Variants in LRFN3 observed in about 807,000 individuals in gnomAD.
The protein encoded by LRFN3 is leucine rich repeat and fibronectin type III domain containing 3.
Under a neutral mutation model 23.8 loss-of-function variants are expected in LRFN3, and 8 were observed. The ratio of observed to expected loss-of-function variants is 0.34; its 90% CI spans 0.20 to 0.61. LRFN3 has a LOEUF of 0.61. LRFN3 is among the 20% of genes least tolerant of loss of function. The pLI, the probability that LRFN3 is intolerant of heterozygous loss-of-function variation, is 0.80. For missense variants in LRFN3, 736 were observed against 935.3 expected, an observed-to-expected ratio of 0.79 and a Z score of 2.78; for synonymous variants, 451 against 450.6, an observed-to-expected ratio of 1.00 and a Z score of -0.01.
At chr19:35,938,818 A>C (rs1371854249) in intron 1 of LRFN3, among the ~76,000 whole-genome samples, 2 of 152,054 alleles carry the variant, frequency 1.3e-5, no homozygotes, top group Non-Finnish European at 2.9e-5. Context: ...CTCTGGTCAT[A>C]TCTGACCACT....
In LRFN3 at chr19:35,944,797, C is replaced by G; in HGVS notation, c.1665C>G (p.Ile555Met). 1 of 1,611,116 alleles carries G rather than the reference C, an allele frequency of 6.2e-7. No individual in the cohort carries two copies. The highest frequency in any genetic ancestry group is 8.5e-7 in the Non-Finnish European group (1 of 1,179,262). ...TCGTAGCCTCGGTACTGGTCTTCAT[C>G]TTCGTGCTGCTAATGCGCTACAAGG... Reference protein sequence around the residue: ...GVIVASVLVFIFVLLMRYKVH... With the variant: ...GVIVASVLVFMFVLLMRYKVH... Residue 555 changes from isoleucine to methionine, a missense_variant, in exon 3 of 3, where the codon ATC becomes ATG. Transcript: ENST00000246529. This position sits in a 1 kb window ranked among gnomAD's most constrained non-coding sequence, Gnocchi z 4.5.
At position 35,940,391 on chromosome 19, in the gene LRFN3, C is replaced by A; in HGVS notation, c.966C>A (p.Asp322Glu). The change falls in exon 2 of 3, where the codon GAC becomes GAA. Residue 322 changes from aspartate to glutamate, a missense_variant. This residue lies in a region of LRFN3 where 446 missense variants were observed against 647.9 expected (regional missense o/e 0.69). Transcript: ENST00000246529. ...CCCTGCGCTGCCGGGCAGTGGGGGA[C>A]CCAGAGCCCCGTGTGCGTTGGGTGT... ...PAALRCRAVGDPEPRVRWVSP... is the reference protein window; with the variant it reads ...PAALRCRAVGEPEPRVRWVSP... The A allele has an allele frequency of 6.3e-7, 1 of 1,575,258 alleles. No individual in the cohort carries two copies. The highest frequency in any genetic ancestry group is 8.6e-7 in the Non-Finnish European group (1 of 1,165,798).
rs1976062462 is a variant in LRFN3, at chr19:35,936,766, C to T, written c.-806C>T. ...GCACCCCCAGATTGAATCGGGAATT[C>T]CGGAAACCCGAGCCTGGAACCCTGA... On this transcript the variant is annotated 5_prime_UTR_variant, in exon 1 of 3. Transcript: ENST00000246529. 6.6e-6 allele frequency: 1 copy of T among 152,252 alleles called. No individual in the cohort carries two copies. Among genetic ancestry groups the T allele is most frequent in the South Asian group, 2.1e-4 (1 of 4,838 alleles). The allele number at this position is 152,252 out of a possible 1,614,324, so 9.4% of individuals were successfully genotyped here. A position where few individuals can be genotyped will look rare whatever the true frequency, so the allele number is the denominator to read the frequency against.
intron 1 of LRFN3, among the ~76,000 whole-genome samples, chr19:35,938,894 C>T (rs879420762): frequency 2.0e-5 from 3 of 152,198 alleles, no homozygotes; most frequent in East Asian, 1.9e-4. Flanking sequence ...TCTCTGACCA[C>T]GTCTAAAGCC....
Position 35,944,718 on chromosome 19 carries a change from C to T in LRFN3, c.1586C>T (p.Ala529Val). Residue 529 changes from alanine to valine, a missense_variant, in exon 3 of 3, where the codon GCG becomes GTG. Transcript: ENST00000246529. The surrounding 1 kb of genome is among the most constrained non-coding windows in gnomAD (Gnocchi z 4.5). ...GAACCTGCGCTGCGGCCATGCGGGGCGCCGCACGCTCCCTTCCTGGGCGGC... is the reference window on the plus strand; with the variant it reads ...GAACCTGCGCTGCGGCCATGCGGGGTGCCGCACGCTCCCTTCCTGGGCGGC... ...STEPALRPCG[A>V]PHAPFLGGTM... The T allele has an allele frequency of 1.2e-6, 2 of 1,604,808 alleles. No homozygotes were observed. Among genetic ancestry groups the T allele is most frequent in the Non-Finnish European group, 1.7e-6 (2 of 1,176,408 alleles).
chr19:35,941,637 C>T (rs555115559), intron 2 of LRFN3, among the ~76,000 whole-genome samples: 39 of 148,332 alleles, frequency 2.6e-4, no homozygotes, highest in African/African-American at 9.5e-4. Flanking sequence ...GGTGCAATCT[C>T]GGCTCACTAC....
In LRFN3 at chr19:35,939,764, C is replaced by G; in HGVS notation, c.339C>G (p.His113Gln). Residue 113 changes from histidine to glutamine, a missense_variant, in exon 2 of 3, where the codon CAC becomes CAG. This residue lies in a region of LRFN3 where 446 missense variants were observed against 647.9 expected (regional missense o/e 0.69). Coordinates refer to ENST00000246529, the MANE Select transcript of LRFN3 (RefSeq NM_024509.2). This position sits in a 1 kb window ranked among gnomAD's most constrained non-coding sequence, Gnocchi z 6.4. ...FADLRALRAL[H>Q]LDGNRLTSLG... ...ACCTGCGGGCCCTGCGTGCCCTGCACCTGGATGGCAACCGGCTGACCTCAC... is the reference window on the plus strand; with the variant it reads ...ACCTGCGGGCCCTGCGTGCCCTGCAGCTGGATGGCAACCGGCTGACCTCAC... 6.2e-7 allele frequency: 1 copy of G among 1,604,952 alleles called. No individual in the cohort carries two copies. The highest frequency in any genetic ancestry group is 8.5e-7 in the Non-Finnish European group (1 of 1,179,530).
rs746948076 is a variant in LRFN3, at chr19:35,944,927, C to G, written c.1795C>G (p.Pro599Ala). ...GGGCCCCACGCCCACGCCCGCCCCG[C>G]CCGCCCCGGAGCCCGCGGCGCTCAG... is the stretch of plus-strand genomic sequence containing the variant. Reference protein sequence around the residue: ...ALGPTPTPAPPAPEPAALRAH... With the variant: ...ALGPTPTPAPAAPEPAALRAH... Residue 599 changes from proline to alanine, a missense_variant, in exon 3 of 3, where the codon CCC (proline) becomes GCC (alanine). Transcript: ENST00000246529. The surrounding 1 kb of genome is among the most constrained non-coding windows in gnomAD (Gnocchi z 4.5). The G allele has an allele frequency of 2.3e-5, 36 of 1,537,386 alleles. No homozygotes were observed. In the African/African-American group the frequency reaches 4.4e-4, roughly 19 times the overall value.
chr19:35,941,554 C>G (rs1338835978), intron 2 of LRFN3, among the ~76,000 whole-genome samples: 1 of 152,042 alleles, frequency 6.6e-6, no homozygotes, highest in Non-Finnish European at 1.5e-5. Flanking sequence ...GTTTCAAGTT[C>G]TAATATAGTG....
At position 35,945,152 on chromosome 19, in the gene LRFN3, C is replaced by CCCT; in HGVS notation, c.*134_*135insCTC. ...TCTGATGGGGAGGGTGTCGGGGACA[C>CCCT]CGGGGCAAAACAAGAAAGTCCTATT... is the stretch of plus-strand genomic sequence containing the variant. On this transcript the variant is annotated 3_prime_UTR_variant, in exon 3 of 3. Transcript: ENST00000246529. The CCCT allele has an allele frequency of 1.9e-6, 1 of 532,502 alleles. No individual in the cohort carries two copies. The highest frequency in any genetic ancestry group is 3.1e-6 in the Non-Finnish European group (1 of 323,202). 33.0% of individuals were successfully genotyped at this position (532,502 alleles called of 1,614,324 possible).
At position 35,944,718 on chromosome 19, in the gene LRFN3, C is replaced by A. The variant is rs758732487; in HGVS notation, c.1586C>A (p.Ala529Glu). ...STEPALRPCG[A>E]PHAPFLGGTM... The stretch of plus-strand genomic sequence containing the variant: ...GAACCTGCGCTGCGGCCATGCGGGG[C>A]GCCGCACGCTCCCTTCCTGGGCGGC... Residue 529 changes from alanine to glutamate, a missense_variant, in exon 3 of 3, where the codon GCG becomes GAG. Physicochemically the swap from Ala to Glu is moderately radical, Grantham distance 107. Around this residue, in one of 2 missense-constraint regions of LRFN3, gnomAD observed 290 missense variants for 287.4 expected, o/e 1.01. Coordinates refer to ENST00000246529, the MANE Select transcript of LRFN3 (RefSeq NM_024509.2). This position sits in a 1 kb window ranked among gnomAD's most constrained non-coding sequence, Gnocchi z 4.5. 6.2e-7 allele frequency: 1 copy of A among 1,604,808 alleles called. No individual in the cohort carries two copies. The highest frequency in any genetic ancestry group is 8.5e-7 in the Non-Finnish European group (1 of 1,176,406).
At position 35,940,428 on chromosome 19, in the gene LRFN3, C is replaced by A. The variant is rs768203591; in HGVS notation, c.1003C>A (p.Arg335=). 6 of 1,596,296 alleles carry A rather than the reference C, an allele frequency of 3.8e-6. No individual in the cohort carries two copies. The Admixed American group carries it at 8.4e-5, about 22-fold the overall frequency. The stretch of plus-strand genomic sequence containing the variant: ...TGTGCGTTGGGTGTCACCCCAGGGC[C>A]GGCTGCTAGGCAACTCAAGCCGTGC... The part of the protein sequence containing the change: ...PRVRWVSPQG[R]LLGNSSRARA... Residue 335 remains arginine (R), a synonymous_variant, in exon 2 of 3, where the codon CGG becomes AGG. Transcript: ENST00000246529.
At chr19:35,943,664 A>T (rs188323179) in intron 2 of LRFN3, among the ~76,000 whole-genome samples, 25 of 151,790 alleles carry the variant, frequency 1.6e-4, no homozygotes, top group Admixed American at 1.4e-3. Context: ...AATGTGGGGG[A>T]AATTGGATGG....
chr19:35,939,228 A>G lies in LRFN3; in HGVS notation c.-16-182A>G, dbSNP rs1325137144. Among the ~76,000 whole-genome samples, 4 of 152,054 alleles carry G rather than the reference A, an allele frequency of 2.6e-5. No homozygotes were observed. The highest frequency in any genetic ancestry group is 5.9e-5 in the Non-Finnish European group (4 of 68,000). ...CCATCCTCCTGCCTCAGCCTCCCCA[A>G]ATGCTGGGATTACATGTGTGAGCCA... On this transcript the variant is annotated intron_variant, in intron 1 of 2. Transcript: ENST00000246529. The surrounding 1 kb of genome is among the most constrained non-coding windows in gnomAD (Gnocchi z 6.4).
chr19:35,939,449 G>C lies in LRFN3; in HGVS notation c.24G>C (p.Leu8=), dbSNP rs779179649. 5 of 1,591,908 alleles carry C rather than the reference G, an allele frequency of 3.1e-6. No homozygotes were observed. The South Asian group carries it at 5.5e-5, about 18-fold the overall frequency. Residue 8 remains leucine (L), a synonymous_variant, in exon 2 of 3, where the codon CTG becomes CTC. Transcript: ENST00000246529. The surrounding 1 kb of genome is among the most constrained non-coding windows in gnomAD (Gnocchi z 6.4). MAILPLL[L]CLLPLAPASS... The stretch of plus-strand genomic sequence containing the variant: ...CGATGGCCATCCTCCCGTTGCTCCT[G>C]TGCCTGCTGCCGCTGGCCCCTGCCT...
Position 35,946,183 on chromosome 19 carries a change from G to A in LRFN3, c.*1164G>A, listed in dbSNP as rs552022391. Among the ~76,000 whole-genome samples, 89 of 152,128 alleles carry A rather than the reference G, an allele frequency of 5.9e-4. No homozygotes were observed. The highest frequency in any genetic ancestry group is 2.1e-3 in the African/African-American group (86 of 41,476). On this transcript the variant is annotated 3_prime_UTR_variant, in exon 3 of 3. Transcript: ENST00000246529. ...AGGGGGCCCTGAGGATGTCCAGGAT[G>A]TGGCATTCAGGAGGGTGCAGGACCC...
rs148929773 is a variant in LRFN3 at position 35,946,030 on chromosome 19, G to C, written c.*1011G>C. On this transcript the variant is annotated 3_prime_UTR_variant, in exon 3 of 3. Transcript: ENST00000246529. Reference sequence around the variant, plus strand: ...TCGGGAAACTGTGGGAAGCTGAGGCGGTGGGTTATGGAGCTGCGGGGCCAT... The same window carrying C: ...TCGGGAAACTGTGGGAAGCTGAGGCCGTGGGTTATGGAGCTGCGGGGCCAT... Among the ~76,000 whole-genome samples, 641 of 152,184 alleles carry C rather than the reference G, an allele frequency of 4.2e-3. 5 individuals are homozygous for C. Among genetic ancestry groups the C allele is most frequent in the African/African-American group, 0.014 (601 of 41,510 alleles).
At chr19:35,938,865 C>G (rs374343009) in intron 1 of LRFN3, among the ~76,000 whole-genome samples, 24 of 152,316 alleles carry the variant, frequency 1.6e-4, no homozygotes, top group Admixed American at 1.1e-3. Flanking sequence ...CCCCGTCTCC[C>G]CATGGCCAGC....
chr19:35,940,406 G>A lies in LRFN3; in HGVS notation c.981G>A (p.Val327=). ...CRAVGDPEPR[V]RWVSPQGRLL... ...CAGTGGGGGACCCAGAGCCCCGTGT[G>A]CGTTGGGTGTCACCCCAGGGCCGGC... The change falls in exon 2 of 3, where the codon GTG becomes GTA. Residue 327 remains valine (V), a synonymous_variant. Transcript: ENST00000246529. 1 of 1,584,934 alleles carries A rather than the reference G, an allele frequency of 6.3e-7. No individual in the cohort carries two copies.
Sources: allele counts gnomAD v4.1 joint callset (sites outside exome capture counted in the v4.1 genomes callset), GRCh38; gene constraint gnomAD v4.1.1; regional missense constraint gnomAD v4.1.1; non-coding constraint Gnocchi (gnomAD v3.1); transcripts MANE v1.5; gene names NCBI Gene and HGNC (gene_info 2026-07-23, HGNC 2026-07-21).